DNAJC9: variants seen among roughly 807,000 people sequenced by gnomAD.
DNAJC9 encodes the protein dnaJ homolog subfamily C member 9.
DNAJC9 carries 18 observed loss-of-function variants against 32.4 expected under a neutral mutation model. The ratio of observed to expected loss-of-function variants is 0.56; its 90% CI spans 0.38 to 0.82. The LOEUF (loss-of-function observed/expected upper bound fraction) is 0.82, where lower values mean the gene tolerates loss of function less well. DNAJC9 is among the 40% of genes least tolerant of loss of function. The pLI is 0.00. For synonymous variants in DNAJC9, 113 were observed against 122.1 expected, an observed-to-expected ratio of 0.93 and a Z score of 0.49; for missense variants, 310 against 321.8, an observed-to-expected ratio of 0.96 and a Z score of 0.28.
At chr10:73,233,808 TCA>T (rs2043763269), downstream of DNAJC9, among the ~76,000 whole-genome samples, 3 of 152,222 alleles carry the variant, frequency 2.0e-5, no homozygotes, top group African/African-American at 4.8e-5. Context: ...GGGAACATAT[TCA>T]GTGAAATTCA....
At chr10:73,233,218 A>G (rs1186641540) in intron 2 of DNAJC9, 2 of 1,192,594 alleles carry the variant, frequency 1.7e-6, no homozygotes, top group Non-Finnish European at 2.4e-6. Context: ...CACATTTTAC[A>G]TACAGAATTA....
downstream of DNAJC9, among the ~76,000 whole-genome samples, chr10:73,237,133 T>G (rs1374433809): frequency 6.6e-6 from 1 of 152,192 alleles, no homozygotes; most frequent in African/African-American, 2.4e-5. Flanking sequence ...TACCTTAACT[T>G]GATTTATCTG....
rs1468177411 is a variant in DNAJC9 at position 73,243,919 on chromosome 10, T to C, written c.587A>G (p.Glu196Gly). The C allele has an allele frequency of 6.2e-7, 1 of 1,614,056 alleles. No individual in the cohort carries two copies. Among genetic ancestry groups the C allele is most frequent in the South Asian group, 1.1e-5 (1 of 91,050 alleles). The change falls in exon 4 of 5, where the codon GAG becomes GGG. Residue 196 changes from glutamate (E) to glycine (G), a missense_variant. Glu to Gly is a moderately conservative substitution (Grantham distance 98, BLOSUM62 -2). Coordinates refer to ENST00000372950, the MANE Select transcript of DNAJC9 (RefSeq NM_015190.5). ...MNARKRRAQEEAKEAEMSRKE... is the reference protein window; with the variant it reads ...MNARKRRAQEGAKEAEMSRKE... Reference sequence around the variant, plus strand: ...TCTGCTCATTTCTGCTTCTTTGGCCTCTTCCTGAGCCTGAAACAGGAACTC... The same window carrying C: ...TCTGCTCATTTCTGCTTCTTTGGCCCCTTCCTGAGCCTGAAACAGGAACTC...
At chr10:73,235,150 C>T, downstream of DNAJC9, 1 of 1,546,896 alleles carries the variant, frequency 6.5e-7, no homozygotes, top group South Asian at 1.2e-5. Flanking sequence ...TACCACATTA[C>T]AGATAGTTTT....
At chr10:73,233,189 G>GAAAC in intron 2 of DNAJC9, 6 of 1,475,832 alleles carry the variant, frequency 4.1e-6, no homozygotes, top group Non-Finnish European at 5.6e-6. Flanking sequence ...AGAACTTCTG[G>GAAAC]AAACCGTGGT....
intron 3 of DNAJC9, 26 bp from the exon 4 acceptor site, chr10:73,243,955 C>G: frequency 6.3e-7 from 1 of 1,585,134 alleles, no homozygotes; most frequent in Non-Finnish European, 8.6e-7. Context: ...ACATGAGACT[C>G]AGGGCCACCA....
Position 73,246,113 on chromosome 10 carries a change from C to G in DNAJC9, c.385G>C (p.Asp129His). 2 of 1,614,012 alleles carry G rather than the reference C, an allele frequency of 1.2e-6. No homozygotes were observed. Among genetic ancestry groups the G allele is most frequent in the Non-Finnish European group, 1.7e-6 (2 of 1,179,960 alleles). Residue 129 changes from aspartate (D) to histidine (H), a missense_variant, in exon 3 of 5, where the codon GAT becomes CAT. By Grantham distance (81) the Asp-to-His change is moderately conservative (BLOSUM62 -1). Coordinates refer to ENST00000372950, the MANE Select transcript of DNAJC9 (RefSeq NM_015190.5). ...AAGTCCAGATAGGCCTGCTTAATATCAGCCAGCTCTTCTTCCGAACCTTTG... is the reference window on the plus strand; with the variant it reads ...AAGTCCAGATAGGCCTGCTTAATATGAGCCAGCTCTTCTTCCGAACCTTTG... The part of the protein sequence containing the change: ...TYKGSEEELA[D>H]IKQAYLDFKG...
chr10:73,245,604 C>G (rs560119604), intron 3 of DNAJC9, among the ~76,000 whole-genome samples: 4 of 152,180 alleles, frequency 2.6e-5, no homozygotes, highest in African/African-American at 9.7e-5. Flanking sequence ...CCTGTGTACC[C>G]GGGTTCCACT....
intron 3 of DNAJC9, chr10:73,244,430 A>C (rs999733510): frequency 1.3e-5 from 2 of 152,398 alleles, no homozygotes; most frequent in East Asian, 3.9e-4. Context: ...CTGAGAGTTC[A>C]GGCTGCAATA....
Position 73,245,982 on chromosome 10 carries a change from G to C in DNAJC9, c.516C>G (p.Val172=). ...CTTTGACAAAGGCATTATAGGATGG[G>C]ACCTCTCCGGCGTCAATAGCTTGCT... ...IIQQAIDAGE[V]PSYNAFVKES... is the part of the protein sequence containing the mutation. The change falls in exon 3 of 5, where the codon GTC becomes GTG. Residue 172 remains valine (V), a synonymous_variant. Transcript: ENST00000372950. The C allele has an allele frequency of 6.2e-7, 1 of 1,613,464 alleles. No individual in the cohort carries two copies.
downstream of DNAJC9, chr10:73,239,131 G>A (rs940156577): frequency 5.7e-6 from 3 of 526,220 alleles, no homozygotes; most frequent in Non-Finnish European, 6.8e-6. Flanking sequence ...GGCTTTGTGG[G>A]CATCTGGCTT....
At chr10:73,243,540 CA>C (rs1434483331) in intron 4 of DNAJC9, 21 bp from the exon 5 acceptor site, 6 of 1,613,392 alleles carry the variant, frequency 3.7e-6, no homozygotes, top group Non-Finnish European at 5.1e-6. Flanking sequence ...AGTTAAAACA[CA>C]AGCTTTCACA....
downstream of DNAJC9, chr10:73,235,432 T>C: frequency 2.0e-6 from 3 of 1,472,382 alleles, no homozygotes; most frequent in Non-Finnish European, 1.8e-6. Context: ...AGAATAAAAG[T>C]TGAGTTTCCA....
chr10:73,246,087 G>A lies in DNAJC9; in HGVS notation c.411C>T (p.Phe137=). Residue 137 remains phenylalanine, a synonymous_variant, in exon 3 of 5, where the codon TTC becomes TTT. Coordinates refer to ENST00000372950, the MANE Select transcript of DNAJC9 (RefSeq NM_015190.5). Reference sequence around the variant, plus strand: ...CCATGATCTGATCCATGTCACCCTTGAAGTCCAGATAGGCCTGCTTAATAT... The same window carrying A: ...CCATGATCTGATCCATGTCACCCTTAAAGTCCAGATAGGCCTGCTTAATAT... The part of the protein sequence containing the change: ...LADIKQAYLD[F]KGDMDQIMES... 1.2e-6 allele frequency: 2 copies of A among 1,613,836 alleles called. No homozygotes were observed. The highest frequency in any genetic ancestry group is 1.7e-6 in the Non-Finnish European group (2 of 1,179,900).
At chr10:73,241,113 C>A, downstream of DNAJC9, 1 of 771,516 alleles carries the variant, frequency 1.3e-6, no homozygotes, top group African/African-American at 1.8e-5. Flanking sequence ...TATAGAAGAT[C>A]GACTAGAAAT....
chr10:73,233,025 G>T (rs2043744669), intron 2 of DNAJC9: 1 of 1,551,650 alleles, frequency 6.4e-7, no homozygotes, highest in Admixed American at 2.0e-5. Flanking sequence ...GTGGAGTTTA[G>T]TACATCATCT....
chr10:73,235,876 C>T (rs1200308790), downstream of DNAJC9, among the ~76,000 whole-genome samples: 3 of 152,120 alleles, frequency 2.0e-5, no homozygotes, highest in Admixed American at 2.0e-4. Context: ...CTGACACTGC[C>T]TACCATTTAT....
downstream of DNAJC9, among the ~76,000 whole-genome samples, chr10:73,240,628 G>C (rs2043924249): frequency 6.6e-6 from 1 of 151,818 alleles, no homozygotes; most frequent in Non-Finnish European, 1.5e-5. Flanking sequence ...AGGAGAATGA[G>C]GTGAACCTGG....
chr10:73,236,779 G>A (rs2043833948), downstream of DNAJC9, among the ~76,000 whole-genome samples: 1 of 148,512 alleles, frequency 6.7e-6, no homozygotes, highest in Admixed American at 6.8e-5. Context: ...CTGGAGTGCA[G>A]AGCACAGCTC....
Sources: gnomAD v4.1 joint callset for allele counts (sites outside exome capture counted in the v4.1 genomes callset) on GRCh38, gnomAD v4.1.1 for gene constraint, MANE v1.5 for transcripts, NCBI Gene and HGNC (gene_info 2026-07-23, HGNC 2026-07-21) for gene names.